The following FBXO38 variants were observed in gnomAD, a reference collection of about 807,000 sequenced individuals.
The protein encoded by FBXO38 is F-box only protein 38.
A neutral mutation model predicts 131.9 loss-of-function variants in FBXO38; 53 were observed. That is an observed-to-expected ratio of 0.40 (90% CI 0.32 to 0.51). FBXO38 has a LOEUF of 0.51. Ranked by LOEUF, FBXO38 falls within the 20% of genes least tolerant of loss-of-function variation. The pLI, the probability that FBXO38 is intolerant of heterozygous loss-of-function variation, is 0.53. For missense variants in FBXO38, 1,076 were observed against 1,475.6 expected (o/e 0.73, Z 4.44); for synonymous variants, 452 against 505.6 (o/e 0.89, Z 1.42).
intron 2 of FBXO38, 24 bp from the exon 3 acceptor site, chr5:148,398,975 T>TA (rs1751985966): frequency 1.9e-6 from 3 of 1,612,364 alleles, no homozygotes; most frequent in Non-Finnish European, 2.5e-6. Context: ...ACTTGATAAA[T>TA]ACGAGTTTCT....
chr5:148,421,292 G>A (rs2113606814), intron 12 of FBXO38, among the ~76,000 whole-genome samples: 1 of 152,232 alleles, frequency 6.6e-6, no homozygotes, highest in East Asian at 1.9e-4. Flanking sequence ...AAAGTACCCA[G>A]GTGGAGCTGA....
intron 17 of FBXO38, chr5:148,434,053 A>G (rs937945631): frequency 1.1e-5 from 2 of 179,614 alleles, no homozygotes; most frequent in Non-Finnish European, 2.3e-5. Context: ...TGGCTTGGTC[A>G]TTTACTAGCT....
intron 18 of FBXO38, 72 bp from the exon 19 acceptor site, chr5:148,439,575 T>C: frequency 7.0e-7 from 1 of 1,434,970 alleles, no homozygotes; most frequent in Non-Finnish European, 9.6e-7. Flanking sequence ...GGAAAGATTG[T>C]TCAAGCTCTC....
chr5:148,441,897 C>A, intron 21 of FBXO38, 72 bp from the exon 22 acceptor site: 1 of 1,351,078 alleles, frequency 7.4e-7, no homozygotes, highest in Non-Finnish European at 1.0e-6. Context: ...GTCCTATGGA[C>A]CAGCTTATCA....
chr5:148,441,187 C>A lies in FBXO38; in HGVS notation c.3338C>A (p.Ala1113Asp). Residue 1113 changes from alanine (A) to aspartate (D), a missense_variant, in exon 21 of 22, where the codon GCT becomes GAT. Ala to Asp is a moderately radical substitution (Grantham distance 126). This residue lies in a region of FBXO38 where 282 missense variants were observed against 418.8 expected (regional missense o/e 0.67). Transcript: ENST00000340253. ...TTCCCTTGGCTGAGGTCATTACGAG[C>A]TGCAGAGCCCAACAGCTTCGCTCGA... Reference protein sequence around the residue: ...SDFPWLRSLRAAEPNSFARYD... With the variant: ...SDFPWLRSLRDAEPNSFARYD... The A allele has an allele frequency of 1.2e-6, 2 of 1,613,858 alleles. No individual in the cohort carries two copies. Among genetic ancestry groups the A allele is most frequent in the Non-Finnish European group, 1.7e-6 (2 of 1,179,906 alleles).
At chr5:148,428,578 G>A (rs1439107910) in intron 15 of FBXO38, among the ~76,000 whole-genome samples, 1 of 152,106 alleles carries the variant, frequency 6.6e-6, no homozygotes, top group Non-Finnish European at 1.5e-5. Flanking sequence ...TTAATCATAA[G>A]TCTGTTACTG....
intron 20 of FBXO38, among the ~76,000 whole-genome samples, chr5:148,440,896 A>C (rs1439628087): frequency 6.6e-6 from 1 of 152,238 alleles, no homozygotes; most frequent in Non-Finnish European, 1.5e-5. Context: ...AGCCAGATGA[A>C]GATTGCTTTG....
In FBXO38 at chr5:148,386,095, C is replaced by T. The variant is rs529352512; in HGVS notation, c.-64+2056C>T. On this transcript the variant is annotated intron_variant, in intron 1 of 21. Transcript: ENST00000340253. The stretch of plus-strand genomic sequence containing the variant: ...GCAGCCACAGAGTGACTGTAATATA[C>T]CAAAGGTGGCCATAGACCACTGCAT... 7.0e-3 allele frequency among the ~76,000 whole-genome samples: 1,067 copies of T among 152,148 alleles called. 6 individuals carry two copies. The highest frequency in any genetic ancestry group is 0.013 in the Non-Finnish European group (880 of 67,988).
rs775906161 is a variant in FBXO38, at chr5:148,427,347, A to G, written c.2053A>G (p.Met685Val). Residue 685 changes from methionine (M) to valine (V), a missense_variant, in exon 15 of 22, where the codon ATG (methionine) becomes GTG (valine). By Grantham distance (21) the Met-to-Val change is conservative. Coordinates refer to ENST00000340253, the MANE Select transcript of FBXO38 (RefSeq NM_205836.3). The part of the protein sequence containing the change: ...QVTSEQIKAD[M>V]KAARDIPEKK... ...CACCAGTGAGCAGATCAAAGCCGAT[A>G]TGAAAGCAGCTAGGGATATTCCTGA... 9.9e-6 allele frequency: 16 copies of G among 1,614,118 alleles called. No individual in the cohort carries two copies. Among genetic ancestry groups the G allele is most frequent in the Non-Finnish European group, 1.4e-5 (16 of 1,180,060 alleles).
intron 2 of FBXO38, 136 bp downstream of exon 2, chr5:148,395,040 G>T (rs372757549): frequency 1.1e-6 from 1 of 927,558 alleles, no homozygotes; most frequent in Admixed American, 3.1e-5. Flanking sequence ...AATTTAGTTC[G>T]TCAGTTGCAC....
rs775929731 is a variant in FBXO38, at chr5:148,438,421, A to G, written c.2947A>G (p.Met983Val). Residue 983 changes from methionine to valine, a missense_variant, in exon 18 of 22, where the codon ATG becomes GTG. Met to Val is a conservative substitution (Grantham distance 21). This residue lies in a region of FBXO38 where 282 missense variants were observed against 418.8 expected (regional missense o/e 0.67). Coordinates refer to ENST00000340253, the MANE Select transcript of FBXO38 (RefSeq NM_205836.3). ...CTATGCACAGTGCAAGAAACTGAAC[A>G]TGGATCAGGTACTAGACCAGATACT... ...FDYAQCKKLN[M>V]DQVLDQILRM... 13 of 1,614,116 alleles carry G rather than the reference A, an allele frequency of 8.1e-6. No individual in the cohort carries two copies. The highest frequency in any genetic ancestry group is 1.0e-5 in the Non-Finnish European group (12 of 1,179,940).
chr5:148,429,523 T>C (rs1753911772), intron 15 of FBXO38, among the ~76,000 whole-genome samples: 1 of 152,186 alleles, frequency 6.6e-6, no homozygotes, highest in Non-Finnish European at 1.5e-5. Context: ...CAAAATTTCC[T>C]TGACTAGCCA....
At chr5:148,429,318 A>G (rs1234586886) in intron 15 of FBXO38, among the ~76,000 whole-genome samples, 1 of 149,986 alleles carries the variant, frequency 6.7e-6, no homozygotes. Context: ...TTTTATTTCA[A>G]TATGTGGGAG....
chr5:148,404,605 G>A, intron 5 of FBXO38, 80 bp from the exon 6 acceptor site: 2 of 1,201,340 alleles, frequency 1.7e-6, no homozygotes, highest in South Asian at 2.0e-5. Context: ...ATGAAAAATA[G>A]ACTCTTGAAC....
At chr5:148,415,712 A>T (rs548407761) in intron 10 of FBXO38, among the ~76,000 whole-genome samples, 1 of 152,292 alleles carries the variant, frequency 6.6e-6, no homozygotes, top group Admixed American at 6.5e-5. Context: ...GGCTGATTGG[A>T]TTCAAATTAA....
chr5:148,435,726 C>T (rs868515295), intron 17 of FBXO38, among the ~76,000 whole-genome samples: 21 of 152,170 alleles, frequency 1.4e-4, no homozygotes, highest in Middle Eastern at 3.4e-3. Flanking sequence ...GCCGAGACTG[C>T]GCAGCTGCAC....
chr5:148,411,525 A>G (rs1013262997), intron 9 of FBXO38, among the ~76,000 whole-genome samples: 6 of 152,194 alleles, frequency 3.9e-5, no homozygotes, highest in Non-Finnish European at 8.8e-5. Flanking sequence ...TTTGTATTAT[A>G]GAAGAACATA....
chr5:148,431,404 G>T (rs1754036912), intron 15 of FBXO38, among the ~76,000 whole-genome samples: 1 of 152,148 alleles, frequency 6.6e-6, no homozygotes, highest in South Asian at 2.1e-4. Context: ...CCTAGAAAAT[G>T]TAAACTACCA....
intron 1 of FBXO38, among the ~76,000 whole-genome samples, chr5:148,391,080 C>T (rs1030158275): frequency 6.6e-6 from 1 of 152,112 alleles, no homozygotes; most frequent in South Asian, 2.1e-4. Context: ...CCTGTTGAGG[C>T]TTTTACATGC....
Sources: gnomAD v4.1 joint callset for allele counts (sites outside exome capture counted in the v4.1 genomes callset) on GRCh38, gnomAD v4.1.1 for gene constraint, gnomAD v4.1.1 regional missense constraint, MANE v1.5 for transcripts, NCBI Gene and HGNC (gene_info 2026-07-23, HGNC 2026-07-21) for gene names.